Variants in TBC1D15 observed in about 807,000 individuals in gnomAD.
The protein encoded by TBC1D15 is GAP for RAB7.
TBC1D15 carries 39 observed loss-of-function variants against 95.4 expected under a neutral mutation model. That is an observed-to-expected ratio of 0.41 (90% CI 0.32 to 0.53). The LOEUF (loss-of-function observed/expected upper bound fraction) is 0.53, where lower values mean the gene tolerates loss of function less well. Ranked by LOEUF, TBC1D15 falls within the 20% of genes least tolerant of loss-of-function variation. The probability of loss-of-function intolerance (pLI) is 0.29; values close to 1 mark genes in which losing one functional copy is unlikely to be tolerated. For missense variants in TBC1D15, 733 were observed against 794.3 expected (o/e 0.92, Z 0.93); for synonymous variants, 258 against 261.3 (o/e 0.99, Z 0.12).
At chr12:71,879,050 A>G (rs1224467410) in intron 3 of TBC1D15, among the ~76,000 whole-genome samples, 3 of 152,202 alleles carry the variant, frequency 2.0e-5, no homozygotes, top group South Asian at 2.1e-4. Context: ...ACACATGAAT[A>G]CAATCCTGTT....
At chr12:71,922,153 C>G (rs186302618) in intron 16 of TBC1D15, among the ~76,000 whole-genome samples, 1 of 152,100 alleles carries the variant, frequency 6.6e-6, no homozygotes, top group African/African-American at 2.4e-5. Context: ...GGCGTGACCT[C>G]GGCTCACTGC....
chr12:71,863,346 C>A (rs1229946277), intron 1 of TBC1D15, among the ~76,000 whole-genome samples: 1 of 151,948 alleles, frequency 6.6e-6, no homozygotes, highest in Non-Finnish European at 1.5e-5. Context: ...CCACTGCACT[C>A]CAGCCTGGGC....
chr12:71,892,790 A>C (rs1323849125), intron 5 of TBC1D15, among the ~76,000 whole-genome samples: 1 of 151,654 alleles, frequency 6.6e-6, no homozygotes, highest in African/African-American at 2.4e-5. Context: ...TGATTTCAAA[A>C]TAGGACATAT....
At chr12:71,884,303 G>A (rs1178939852) in intron 4 of TBC1D15, among the ~76,000 whole-genome samples, 1 of 152,062 alleles carries the variant, frequency 6.6e-6, no homozygotes, top group Non-Finnish European at 1.5e-5. Flanking sequence ...CTTATTTTGG[G>A]GGGAGTGGGA....
chr12:71,916,209 C>T (rs1294695793), intron 12 of TBC1D15, among the ~76,000 whole-genome samples: 4 of 152,126 alleles, frequency 2.6e-5, no homozygotes, highest in Non-Finnish European at 1.5e-5. Context: ...ACATTTGAAG[C>T]CCTTTGTATA....
chr12:71,879,056 C>G (rs1018921073), intron 3 of TBC1D15, among the ~76,000 whole-genome samples: 2 of 151,788 alleles, frequency 1.3e-5, no homozygotes, highest in Non-Finnish European at 2.9e-5. Flanking sequence ...GAATACAATC[C>G]TGTTGCAAAA....
At chr12:71,909,299 A>G (rs1350810912) in intron 11 of TBC1D15, among the ~76,000 whole-genome samples, 1 of 152,212 alleles carries the variant, frequency 6.6e-6, no homozygotes, top group Non-Finnish European at 1.5e-5. Context: ...CCTGGACTGT[A>G]AATTTACTCT....
chr12:71,921,171 A>G (rs1402325485), intron 15 of TBC1D15, among the ~76,000 whole-genome samples, 197 bp from the exon 16 acceptor site: 3 of 152,098 alleles, frequency 2.0e-5, no homozygotes, highest in East Asian at 3.8e-4. Context: ...TAAGCTTATT[A>G]GCTAGTCTTT....
chr12:71,855,948 G>T (rs1465846540), intron 1 of TBC1D15, among the ~76,000 whole-genome samples: 8 of 150,454 alleles, frequency 5.3e-5, no homozygotes, highest in African/African-American at 2.0e-4. Flanking sequence ...TTTTTTGGGG[G>T]GGGGTATCTT....
At chr12:71,870,002 A>G (rs1179993989) in intron 1 of TBC1D15, among the ~76,000 whole-genome samples, 2 of 152,182 alleles carry the variant, frequency 1.3e-5, no homozygotes, top group East Asian at 3.8e-4. Context: ...TTAATACCTT[A>G]AAGTATCCTC....
intron 11 of TBC1D15, among the ~76,000 whole-genome samples, chr12:71,912,437 A>G (rs73336868): frequency 0.027 from 4,183 of 152,184 alleles, 194 homozygotes; most frequent in African/African-American, 0.094. Flanking sequence ...GACTGTGGAA[A>G]GATGTGGTGG....
intron 16 of TBC1D15, among the ~76,000 whole-genome samples, chr12:71,922,482 C>CT (rs61595009): frequency 0.058 from 8,792 of 152,076 alleles, 602 homozygotes; most frequent in East Asian, 0.32. Flanking sequence ...CATTGGTTTG[C>CT]TGCACCCCTT....
chr12:71,919,523 T>C (rs1408352025), intron 14 of TBC1D15, among the ~76,000 whole-genome samples: 1 of 152,218 alleles, frequency 6.6e-6, no homozygotes. Flanking sequence ...CCTATACTAT[T>C]GATGGCTGTG....
At position 71,923,232 on chromosome 12, in the gene TBC1D15, A is replaced by C. The variant is rs1400712391; in HGVS notation, c.*28A>C. On this transcript the variant is annotated 3_prime_UTR_variant, in exon 17 of 17. Coordinates refer to ENST00000485960, the MANE Select transcript of TBC1D15 (RefSeq NM_001146213.3). ...ACTGTTCTTGCTTTTTTGGGAAGAG[A>C]CACTTTGTTGCAACCCTTTTTCAAG... 2 of 1,604,790 alleles carry C rather than the reference A, an allele frequency of 1.2e-6. No homozygotes were observed. The highest frequency in any genetic ancestry group is 8.5e-7 in the Non-Finnish European group (1 of 1,172,630).
intron 10 of TBC1D15, among the ~76,000 whole-genome samples, chr12:71,905,366 C>T (rs1900440369): frequency 6.6e-6 from 1 of 152,108 alleles, no homozygotes; most frequent in African/African-American, 2.4e-5. Flanking sequence ...CACTGTGTCA[C>T]CCAGGCTGGA....
intron 14 of TBC1D15, among the ~76,000 whole-genome samples, chr12:71,919,220 T>A (rs1410693373): frequency 1.7e-5 from 2 of 117,382 alleles, no homozygotes; most frequent in South Asian, 5.4e-4. Flanking sequence ...TTTTTTTTTT[T>A]AAAGAGAAGG....
chr12:71,918,035 G>T (rs953321262), intron 13 of TBC1D15, among the ~76,000 whole-genome samples: 9 of 152,074 alleles, frequency 5.9e-5, no homozygotes, highest in African/African-American at 2.2e-4. Context: ...CATGCCTGTA[G>T]TCCCAGCCAC....
At chr12:71,879,136 T>TC (rs796270880) in intron 3 of TBC1D15, among the ~76,000 whole-genome samples, 6 of 110,986 alleles carry the variant, frequency 5.4e-5, no homozygotes, top group African/African-American at 1.2e-4. Context: ...TCTCTCTCTC[T>TC]TTTTTTTTTT....
chr12:71,852,312 A>T (rs562762872), intron 1 of TBC1D15, among the ~76,000 whole-genome samples: 1 of 152,098 alleles, frequency 6.6e-6, no homozygotes, highest in Admixed American at 6.5e-5. Flanking sequence ...CAAGGAAACC[A>T]TTTTTCCCTC....
Sources: allele counts gnomAD v4.1 joint callset (sites outside exome capture counted in the v4.1 genomes callset), GRCh38; gene constraint gnomAD v4.1.1; transcripts MANE v1.5; gene names NCBI Gene and HGNC (gene_info 2026-07-23, HGNC 2026-07-21).